Variants in MOCS2 observed in about 807,000 individuals in gnomAD.
MOCS2 encodes molybdenum cofactor synthesis 2.
In MOCS2, 13 loss-of-function variants were observed where a neutral mutation model predicts 21.9. The ratio of observed to expected loss-of-function variants is 0.59; its 90% CI spans 0.39 to 0.94. The LOEUF (loss-of-function observed/expected upper bound fraction) is 0.94, where lower values mean the gene tolerates loss of function less well. Among genes scored for constraint, MOCS2 ranks in the 40% least tolerant of loss-of-function variants. The pLI is 0.00. For missense variants in MOCS2, 227 were observed against 218.3 expected (o/e 1.04, Z -0.25); for synonymous variants, 92 against 80.8 (o/e 1.14, Z -0.74).
At chr5:53,104,028 G>A (rs1740988641) in intron 3 of MOCS2, among the ~76,000 whole-genome samples, 1 of 152,174 alleles carries the variant, frequency 6.6e-6, no homozygotes, top group Non-Finnish European at 1.5e-5. Flanking sequence ...AATCCTGTAA[G>A]GTTTCATCTG....
chr5:53,106,218 T>C (rs1431511377), intron 3 of MOCS2, among the ~76,000 whole-genome samples: 1 of 152,156 alleles, frequency 6.6e-6, no homozygotes, highest in African/African-American at 2.4e-5. Context: ...CAGAGAAATA[T>C]AATCGTTCTG....
Position 53,101,506 on chromosome 5 carries a change from G to A in MOCS2, c.230C>T (p.Thr77Ile), listed in dbSNP as rs774650788. The A allele has an allele frequency of 6.3e-7, 1 of 1,593,744 alleles. No homozygotes were observed. The highest frequency in any genetic ancestry group is 8.6e-7 in the Non-Finnish European group (1 of 1,164,094). The change falls in exon 5 of 7, where the codon ACT (threonine) becomes ATT (isoleucine). Residue 77 changes from threonine to isoleucine, a missense_variant. Physicochemically the swap from Thr to Ile is moderately conservative, Grantham distance 89. Coordinates refer to ENST00000396954, the MANE Select transcript of MOCS2 (RefSeq NM_004531.5). ...TTTCCCTTCAAAGTTATTTCTTGTA[G>A]TCCCTTTAAAAATGAAAAAAAAGAA... The part of the protein sequence containing the change: ...LCGAISLFVG[T>I]TRNNFEGKKV...
rs1300062954 is a variant in MOCS2, at chr5:53,098,108, T to C, written c.*494A>G. ...GGGTTTTAGTTTATTATTTTTAATA[T>C]ATTTCTGAAAATGTATAATATCAAG... is the stretch of plus-strand genomic sequence containing the variant. On this transcript the variant is annotated 3_prime_UTR_variant, in exon 7 of 7. Transcript: ENST00000396954. 1 of 152,724 alleles carries C rather than the reference T, an allele frequency of 6.5e-6. No individual in the cohort carries two copies. Among genetic ancestry groups the C allele is most frequent in the Non-Finnish European group, 1.5e-5 (1 of 68,404 alleles). The allele number at this position is 152,724 out of a possible 1,614,324, so 9.5% of individuals were successfully genotyped here. A position where few individuals can be genotyped will look rare whatever the true frequency, so the allele number is the denominator to read the frequency against.
At chr5:53,099,530 TTCTATCC>T (rs1224453822) in intron 6 of MOCS2, among the ~76,000 whole-genome samples, 4 of 151,368 alleles carry the variant, frequency 2.6e-5, no homozygotes, top group African/African-American at 9.8e-5. Flanking sequence ...TTCACACATA[TTCTATCC>T]TCTAATCCCT....
rs1272143547 is a variant in MOCS2 at position 53,097,958 on chromosome 5, T to TA, written c.*643dup. On this transcript the variant is annotated 3_prime_UTR_variant, in exon 7 of 7. Transcript: ENST00000396954. ...ATATTGATACAAAATTAACAACTAA[T>TA]AAAAAACAACAAAAAGTTTTCTGGT... The TA allele has an allele frequency of 6.6e-5, 10 of 152,006 alleles. No individual in the cohort carries two copies. The highest frequency in any genetic ancestry group is 6.6e-5 in the Admixed American group (1 of 15,264). The allele number at this position is 152,006 out of a possible 1,614,324, so 9.4% of individuals were successfully genotyped here.
At chr5:53,104,270 A>C (rs1424537878) in intron 3 of MOCS2, among the ~76,000 whole-genome samples, 1 of 152,210 alleles carries the variant, frequency 6.6e-6, no homozygotes, top group East Asian at 1.9e-4. Context: ...AGGTAATATA[A>C]ATATGGTCTA....
chr5:53,101,959 A>C, intron 4 of MOCS2, 138 bp downstream of exon 4: 1 of 847,742 alleles, frequency 1.2e-6, no homozygotes, highest in Non-Finnish European at 1.9e-6. Flanking sequence ...GAACTAAAAA[A>C]AAGTCTACCC....
chr5:53,099,283 A>G (rs906137398), intron 6 of MOCS2, among the ~76,000 whole-genome samples: 1 of 152,222 alleles, frequency 6.6e-6, no homozygotes, highest in Non-Finnish European at 1.5e-5. Context: ...GCATGAAAAC[A>G]AGAATATGCC....
At position 53,097,488 on chromosome 5, in the gene MOCS2, A is replaced by G. The variant is rs1740777447; in HGVS notation, c.*1114T>C. ...AAAAATCCTTCAATCTAAGTGTCTG[A>G]AAGTATAGCTTTTGTTCTTAATATG... On this transcript the variant is annotated 3_prime_UTR_variant, in exon 7 of 7. Coordinates refer to ENST00000396954, the MANE Select transcript of MOCS2 (RefSeq NM_004531.5). 6.6e-6 allele frequency: 1 copy of G among 152,206 alleles called. No homozygotes were observed. The highest frequency in any genetic ancestry group is 1.5e-5 in the Non-Finnish European group (1 of 68,028). 9.4% of individuals were successfully genotyped at this position (152,206 alleles called of 1,614,324 possible). A position where few individuals can be genotyped will look rare whatever the true frequency, so the allele number is the denominator to read the frequency against.
At chr5:53,103,490 GTAAC>G (rs1464045333) in intron 3 of MOCS2, among the ~76,000 whole-genome samples, 1 of 152,166 alleles carries the variant, frequency 6.6e-6, no homozygotes, top group African/African-American at 2.4e-5. Flanking sequence ...CCCCAGGTAA[GTAAC>G]TGAGGAAATA....
chr5:53,109,420 G>A lies in MOCS2; in HGVS notation c.-339C>T. The A allele has an allele frequency of 3.2e-6, 4 of 1,247,742 alleles. No individual in the cohort carries two copies. The highest frequency in any genetic ancestry group is 6.3e-5 in the East Asian group (2 of 31,876). The allele number at this position is 1,247,742 out of a possible 1,614,324, so 77.3% of individuals were successfully genotyped here. A position where few individuals can be genotyped will look rare whatever the true frequency, so the allele number is the denominator to read the frequency against. ...TCAAAACGAATAATCTGGGAAAGAG[G>A]TGGTCATAAAAGGTGGAGGCGCCTT... On this transcript the variant is annotated 5_prime_UTR_variant, in exon 1 of 7. Coordinates refer to ENST00000396954, the MANE Select transcript of MOCS2 (RefSeq NM_004531.5).
rs1000687386 is a variant in MOCS2, at chr5:53,097,936, T to C, written c.*666A>G. ...TGACAATTTTGTGCTGATTTGTATA[T>C]TGATACAAAATTAACAACTAATAAA... On this transcript the variant is annotated 3_prime_UTR_variant, in exon 7 of 7. Coordinates refer to ENST00000396954, the MANE Select transcript of MOCS2 (RefSeq NM_004531.5). The C allele has an allele frequency of 6.6e-6, 1 of 152,190 alleles. No homozygotes were observed. Among genetic ancestry groups the C allele is most frequent in the Non-Finnish European group, 1.5e-5 (1 of 68,046 alleles). 9.4% of individuals were successfully genotyped at this position (152,190 alleles called of 1,614,324 possible). A position where few individuals can be genotyped will look rare whatever the true frequency, so the allele number is the denominator to read the frequency against.
In MOCS2 at chr5:53,109,740, A is replaced by C; in HGVS notation, c.-659T>G. 6.5e-7 allele frequency: 1 copy of C among 1,549,724 alleles called. No homozygotes were observed. Among genetic ancestry groups the C allele is most frequent in the Non-Finnish European group, 8.7e-7 (1 of 1,146,788 alleles). On this transcript the variant is annotated 5_prime_UTR_variant, in exon 1 of 7. Coordinates refer to ENST00000396954, the MANE Select transcript of MOCS2 (RefSeq NM_004531.5). ...GCACAGCGGCACCATCCCGCCTAGG[A>C]CAGCGGGACCGAATCACGGCCGCAA...
Position 53,101,414 on chromosome 5 carries a change from T to C in MOCS2, c.322A>G (p.Ser108Gly). 1 of 1,613,938 alleles carries C rather than the reference T, an allele frequency of 6.2e-7. No homozygotes were observed. Among genetic ancestry groups the C allele is most frequent in the South Asian group, 1.1e-5 (1 of 91,082 alleles). Reference protein sequence around the residue: ...MAENEVRKICSDIRQKWPVKH... With the variant: ...MAENEVRKICGDIRQKWPVKH... The stretch of plus-strand genomic sequence containing the variant: ...ACTGGCCATTTCTGCCTAATGTCAC[T>C]ACAAATCTTTCTGACTTCATTTTCC... Residue 108 changes from serine (S) to glycine (G), a missense_variant, in exon 5 of 7, where the codon AGT (serine) becomes GGT (glycine). Transcript: ENST00000396954.
At chr5:53,105,172 C>T (rs967236775) in intron 3 of MOCS2, among the ~76,000 whole-genome samples, 4 of 151,664 alleles carry the variant, frequency 2.6e-5, no homozygotes, top group Non-Finnish European at 5.9e-5. Context: ...TTTCCATGGC[C>T]GGGAGAGCTA....
In MOCS2 at chr5:53,098,036, G is replaced by A. The variant is rs41308287; in HGVS notation, c.*566C>T. ...ATCTCCATAATGAGAACTATTTTAG[G>A]CAATTTAAAAAAAAAGAAAATACTC... On this transcript the variant is annotated 3_prime_UTR_variant, in exon 7 of 7. Transcript: ENST00000396954. 3,507 of 151,790 alleles carry A rather than the reference G, an allele frequency of 0.023. 52 individuals are homozygous for A. Among genetic ancestry groups the A allele is most frequent in the Non-Finnish European group, 0.035 (2,373 of 68,044 alleles). The allele number at this position is 151,790 out of a possible 1,614,324, so 9.4% of individuals were successfully genotyped here. A position where few individuals can be genotyped will look rare whatever the true frequency, so the allele number is the denominator to read the frequency against.
rs181775321 is a variant in MOCS2, at chr5:53,100,570, A to G, written c.378-36T>C. The G allele has an allele frequency of 5.5e-5, 89 of 1,610,294 alleles. No individual in the cohort carries two copies. In the African/African-American group the frequency reaches 1.2e-3, roughly 21 times the overall value. On this transcript the variant is annotated intron_variant, in intron 5 of 6. Transcript: ENST00000396954. ...ATGAAGAGAAAAAAAAATCACCATC[A>G]TCTCTGAATCTACGTGTTAAAGAAT...
rs1740930828 is a variant in MOCS2 at position 53,102,196 on chromosome 5, A to G, written c.127T>C (p.Ser43Pro). 1 of 1,612,122 alleles carries G rather than the reference A, an allele frequency of 6.2e-7. No homozygotes were observed. The change falls in exon 4 of 7, where the codon TCT becomes CCT. Residue 43 changes from serine (S) to proline (P), a missense_variant. Ser to Pro is a moderately conservative substitution (Grantham distance 74). Coordinates refer to ENST00000396954, the MANE Select transcript of MOCS2 (RefSeq NM_004531.5). ...GCAGTAAAGTTTATAACATCTTTAG[A>G]TTTCTCTTCAACTTCATCCATATCT... ...RKDMDEVEEK[S>P]KDVINFTAEK...
intron 2 of MOCS2, chr5:53,107,594 C>G (rs1741087725): frequency 4.3e-6 from 1 of 233,050 alleles, no homozygotes; most frequent in Admixed American, 5.2e-5. Context: ...ACAAGTATAA[C>G]TGCCCACAAA....
Sources: allele counts gnomAD v4.1 joint callset (sites outside exome capture counted in the v4.1 genomes callset), GRCh38; gene constraint gnomAD v4.1.1; transcripts MANE v1.5; gene names NCBI Gene and HGNC (gene_info 2026-07-23, HGNC 2026-07-21).